Variants in SRCAP observed in about 807,000 individuals in gnomAD.
SRCAP encodes chromatin remodeling protein SRCAP.
A neutral mutation model predicts 263.1 loss-of-function variants in SRCAP; 46 were observed. That is an observed-to-expected ratio of 0.17 (90% CI 0.14 to 0.22). SRCAP has a LOEUF of 0.22. Ranked by LOEUF, SRCAP falls within the 10% of genes least tolerant of loss-of-function variation. The pLI is 1.00. For synonymous variants in SRCAP, 1,813 were observed against 1,662.1 expected, an observed-to-expected ratio of 1.09 and a Z score of -2.21; for missense variants, 3,695 against 4,181.9, an observed-to-expected ratio of 0.88 and a Z score of 3.21.
chr16:30,704,330 G>A lies in SRCAP; in HGVS notation c.306+15G>A, dbSNP rs759822774. ...AGGCCAAGCATGTACGTATTAGAAA[G>A]GCTTATGAAGATTCTTGGGAGTTAT... On this transcript the variant is annotated intron_variant, in intron 4 of 33. Coordinates refer to ENST00000262518, the MANE Select transcript of SRCAP (RefSeq NM_006662.3). 9 of 1,564,642 alleles carry A rather than the reference G, an allele frequency of 5.8e-6. No homozygotes were observed. The South Asian group carries it at 7.0e-5, about 12-fold the overall frequency.
chr16:30,704,706 G>A (rs1295173783), intron 4 of SRCAP, among the ~76,000 whole-genome samples: 4 of 151,950 alleles, frequency 2.6e-5, no homozygotes, highest in Admixed American at 2.0e-4. Context: ...GGGTATAGTC[G>A]CACATGCCTG....
chr16:30,704,694 C>G (rs1258637417), intron 4 of SRCAP, among the ~76,000 whole-genome samples: 2 of 152,004 alleles, frequency 1.3e-5, no homozygotes, highest in Non-Finnish European at 2.9e-5. Context: ...AAAAAATTAG[C>G]TGGGTATAGT....
chr16:30,723,572 C>T lies in SRCAP; in HGVS notation c.4160-12C>T, dbSNP rs551587037. The T allele has an allele frequency of 2.5e-6, 4 of 1,606,164 alleles. No individual in the cohort carries two copies. In the African/African-American group the frequency reaches 5.3e-5, roughly 21 times the overall value. Reference sequence around the variant, plus strand: ...AAGAATTCTGGGGCTAACTCATCCTCTCTCTCCACAGCTTCAGCCCCCGGA... The same window carrying T: ...AAGAATTCTGGGGCTAACTCATCCTTTCTCTCCACAGCTTCAGCCCCCGGA... On this transcript the variant is annotated splice_polypyrimidine_tract_variant and intron_variant, in intron 24 of 33. Coordinates refer to ENST00000262518, the MANE Select transcript of SRCAP (RefSeq NM_006662.3).
Position 30,738,501 on chromosome 16 carries a change from C to G in SRCAP, c.8461C>G (p.Pro2821Ala), listed in dbSNP as rs2053184097. 5 of 1,608,798 alleles carry G rather than the reference C, an allele frequency of 3.1e-6. No individual in the cohort carries two copies. The highest frequency in any genetic ancestry group is 4.2e-6 in the Non-Finnish European group (5 of 1,177,360). Reference protein sequence around the residue: ...AAPSSSLPTPPQQPFIARRHI... With the variant: ...AAPSSSLPTPAQQPFIARRHI... ...TCCTTCATCCTCACTGCCCACTCCACCCCAGCAGCCCTTCATTGCTCGCCG... is the reference window on the plus strand; with the variant it reads ...TCCTTCATCCTCACTGCCCACTCCAGCCCAGCAGCCCTTCATTGCTCGCCG... The change falls in exon 34 of 34, where the codon CCC becomes GCC. Residue 2821 changes from proline (P) to alanine (A), a missense_variant. Physicochemically the swap from Pro to Ala is conservative, Grantham distance 27. This residue lies in a region of SRCAP where 1,207 missense variants were observed against 1,142.9 expected (regional missense o/e 1.06). Coordinates refer to ENST00000262518, the MANE Select transcript of SRCAP (RefSeq NM_006662.3).
intron 19 of SRCAP, 87 bp from the exon 20 acceptor site, chr16:30,720,626 T>C (rs2053002025): frequency 7.1e-7 from 1 of 1,404,090 alleles, no homozygotes; most frequent in Non-Finnish European, 9.7e-7. Context: ...ATAATCTGTC[T>C]CTCTGTTTCA....
rs574883775 is a variant in SRCAP at position 30,715,090 on chromosome 16, C to G, written c.2494-976C>G. ...TCTTATGTGATAAAGACTCTCCAGTCTGTACTAAAATTCCTTGACTTTCTA... is the reference window on the plus strand; with the variant it reads ...TCTTATGTGATAAAGACTCTCCAGTGTGTACTAAAATTCCTTGACTTTCTA... On this transcript the variant is annotated intron_variant, in intron 16 of 33. Coordinates refer to ENST00000262518, the MANE Select transcript of SRCAP (RefSeq NM_006662.3). 7.9e-5 allele frequency among the ~76,000 whole-genome samples: 12 copies of G among 152,328 alleles called. No homozygotes were observed. In the South Asian group the frequency reaches 2.5e-3, roughly 32 times the overall value.
Position 30,738,706 on chromosome 16 carries a change from C to T in SRCAP, c.8666C>T (p.Thr2889Ile), listed in dbSNP as rs1448291991. ...CCCTCATCCACCTTGAAGGGAAAAACCAATGGGGCTGACCCAGTCCCTGGG... is the reference window on the plus strand; with the variant it reads ...CCCTCATCCACCTTGAAGGGAAAAATCAATGGGGCTGACCCAGTCCCTGGG... ...EAPSSTLKGK[T>I]NGADPVPGPE... Residue 2889 changes from threonine (T) to isoleucine (I), a missense_variant, in exon 34 of 34, where the codon ACC (threonine) becomes ATC (isoleucine). By Grantham distance (89) the Thr-to-Ile change is moderately conservative. Coordinates refer to ENST00000262518, the MANE Select transcript of SRCAP (RefSeq NM_006662.3). 1 of 1,614,030 alleles carries T rather than the reference C, an allele frequency of 6.2e-7. No homozygotes were observed. The highest frequency in any genetic ancestry group is 8.5e-7 in the Non-Finnish European group (1 of 1,179,984).
At position 30,724,120 on chromosome 16, in the gene SRCAP, G is replaced by T. The variant is rs1477365632; in HGVS notation, c.4696G>T (p.Ala1566Ser). Residue 1566 changes from alanine to serine, a missense_variant, in exon 25 of 34, where the codon GCT becomes TCT. Ala to Ser is a moderately conservative substitution (Grantham distance 99, BLOSUM62 1). Transcript: ENST00000262518. ...ASPFPSAPNP[A>S]PAQASLLAPA... ...TCCTTTTCCGTCAGCACCAAATCCA[G>T]CTCCAGCTCAGGCTTCCCTTCTGGC... is the stretch of plus-strand genomic sequence containing the variant. The T allele has an allele frequency of 1.9e-6, 3 of 1,613,702 alleles. No individual in the cohort carries two copies. The highest frequency in any genetic ancestry group is 2.5e-6 in the Non-Finnish European group (3 of 1,180,022).
chr16:30,724,882 G>C lies in SRCAP; in HGVS notation c.5458G>C (p.Ala1820Pro), dbSNP rs760110647. The C allele has an allele frequency of 6.2e-7, 1 of 1,614,184 alleles. No individual in the cohort carries two copies. Among genetic ancestry groups the C allele is most frequent in the East Asian group, 2.2e-5 (1 of 44,872 alleles). ...CTCCACACAGTCCCCAGCTTCCCAG[G>C]CATCTTCCCTTGTGGTTTCGGCATC... ...PASTQSPASQASSLVVSASGA... is the reference protein window; with the variant it reads ...PASTQSPASQPSSLVVSASGA... Residue 1820 changes from alanine (A) to proline (P), a missense_variant, in exon 25 of 34, where the codon GCA (alanine) becomes CCA (proline). This residue lies in a region of SRCAP where 1,347 missense variants were observed against 1,304.4 expected (regional missense o/e 1.03). Coordinates refer to ENST00000262518, the MANE Select transcript of SRCAP (RefSeq NM_006662.3).
In SRCAP at chr16:30,725,004, T is replaced by G. The variant is rs138996174; in HGVS notation, c.5580T>G (p.Pro1860=). ...CATTGCGCTCTGGTCCCCCCAGCCC[T>G]CCCTCCACTGCTACCTCGTTTGGTG... The part of the protein sequence containing the change: ...TLTLRSGPPS[P]PSTATSFGGP... Residue 1860 remains proline (P), a synonymous_variant, in exon 25 of 34, where the codon CCT becomes CCG. Transcript: ENST00000262518. 7 of 1,613,438 alleles carry G rather than the reference T, an allele frequency of 4.3e-6. No homozygotes were observed. In the African/African-American group the frequency reaches 8.0e-5, roughly 19 times the overall value.
At chr16:30,704,513 T>C (rs2052804660) in intron 4 of SRCAP, among the ~76,000 whole-genome samples, 198 bp downstream of exon 4, 1 of 152,168 alleles carries the variant, frequency 6.6e-6, no homozygotes, top group Non-Finnish European at 1.5e-5. Flanking sequence ...AGGAATGATA[T>C]AATAGTTTAT....
Position 30,713,537 on chromosome 16 carries a change from G to A in SRCAP, c.2319G>A (p.Leu773=), listed in dbSNP as rs748568329. 6.2e-7 allele frequency: 1 copy of A among 1,614,128 alleles called. No homozygotes were observed. Residue 773 remains leucine, a synonymous_variant, in exon 16 of 34, where the codon CTG becomes CTA. Coordinates refer to ENST00000262518, the MANE Select transcript of SRCAP (RefSeq NM_006662.3). ...TTTGCAGCCAGAGACGCCTGCTCCT[G>A]ACAGGAACTCCCTTGCAGAACAGCC... ...LNFNSQRRLL[L]TGTPLQNSLM...
Position 30,724,404 on chromosome 16 carries a change from TCAAACTATG to T in SRCAP, c.4982_4990del (p.Gln1661_Met1663del). The T allele has an allele frequency of 6.2e-7, 1 of 1,614,022 alleles. No homozygotes were observed. The highest frequency in any genetic ancestry group is 8.5e-7 in the Non-Finnish European group (1 of 1,179,998). ...CCCCTGTGTTGGCTCCATCATCAAC[TCAAACTATG>T]CTACCAGCCCCGGTTCCGTCACCTC... On this transcript the variant is annotated inframe_deletion, in exon 25 of 34. Coordinates refer to ENST00000262518, the MANE Select transcript of SRCAP (RefSeq NM_006662.3).
rs769654779 is a variant in SRCAP, at chr16:30,724,254, G to A, written c.4830G>A (p.Pro1610=). ...CAGCTCCTCCTCTGGCTCCTCTTCCGGTCCTGGCACCATCGCCAGGTGCTG... is the reference window on the plus strand; with the variant it reads ...CAGCTCCTCCTCTGGCTCCTCTTCCAGTCCTGGCACCATCGCCAGGTGCTG... ...PSPAPPLAPL[P]VLAPSPGAAP... is the part of the protein sequence containing the mutation. Residue 1610 remains proline, a synonymous_variant, in exon 25 of 34, where the codon CCG becomes CCA. Coordinates refer to ENST00000262518, the MANE Select transcript of SRCAP (RefSeq NM_006662.3). 7.7e-5 allele frequency: 124 copies of A among 1,613,450 alleles called. No homozygotes were observed. Among genetic ancestry groups the A allele is most frequent in the East Asian group, 5.4e-4 (24 of 44,818 alleles).
chr16:30,699,603 G>C (rs1426585279), intron 1 of SRCAP, among the ~76,000 whole-genome samples: 1 of 152,126 alleles, frequency 6.6e-6, no homozygotes, highest in Admixed American at 6.5e-5. Flanking sequence ...CAGGCAGGTA[G>C]CACCTTTCTG....
chr16:30,723,294 A>G, intron 24 of SRCAP, 65 bp downstream of exon 24: 10 of 1,529,002 alleles, frequency 6.5e-6, no homozygotes, highest in Non-Finnish European at 8.8e-6. Flanking sequence ...GGTCGCCTCA[A>G]GGTTTCTTAG....
At position 30,725,330 on chromosome 16, in the gene SRCAP, G is replaced by A. The variant is rs960830283; in HGVS notation, c.5658+248G>A. On this transcript the variant is annotated intron_variant, in intron 25 of 33. Coordinates refer to ENST00000262518, the MANE Select transcript of SRCAP (RefSeq NM_006662.3). Reference sequence around the variant, plus strand: ...GCCACCACGCCCGGCCTCTTTTCCCGTTTTTTAACCCGCACGGTAATAAAT... The same window carrying A: ...GCCACCACGCCCGGCCTCTTTTCCCATTTTTTAACCCGCACGGTAATAAAT... 24 of 627,126 alleles carry A rather than the reference G, an allele frequency of 3.8e-5. No homozygotes were observed. In the East Asian group the frequency reaches 4.8e-4, roughly 12 times the overall value. 38.8% of individuals were successfully genotyped at this position (627,126 alleles called of 1,614,324 possible).
chr16:30,714,774 T>G (rs2052929727), intron 16 of SRCAP, among the ~76,000 whole-genome samples: 1 of 152,112 alleles, frequency 6.6e-6, no homozygotes, highest in Non-Finnish European at 1.5e-5. Context: ...CCCAAAGTGT[T>G]GGGATTACAG....
At chr16:30,720,109 C>G in intron 18 of SRCAP, 53 bp from the exon 19 acceptor site, 1 of 1,568,168 alleles carries the variant, frequency 6.4e-7, no homozygotes, top group South Asian at 1.2e-5. Context: ...ATCTGCGTTG[C>G]AAAGGATGTG....
Sources: allele counts gnomAD v4.1 joint callset (sites outside exome capture counted in the v4.1 genomes callset), GRCh38; gene constraint gnomAD v4.1.1; regional missense constraint gnomAD v4.1.1; transcripts MANE v1.5; gene names NCBI Gene and HGNC (gene_info 2026-07-23, HGNC 2026-07-21).